Variants in ZNF66 observed in about 807,000 individuals in gnomAD.
The protein encoded by ZNF66 is zinc finger protein 66.
Under a neutral mutation model 35.2 loss-of-function variants are expected in ZNF66, and 32 were observed. That is an observed-to-expected ratio of 0.91 (90% confidence interval 0.69 to 1.22). ZNF66 has a LOEUF of 1.22. ZNF66 is among the 50% of genes most tolerant of loss of function. The pLI is 0.00. For missense variants in ZNF66, 666 were observed against 543.1 expected (o/e 1.23, Z -2.25); for synonymous variants, 231 against 181.3 (o/e 1.27, Z -2.20).
chr19:20,788,086 A>G (rs1377503300), intron 1 of ZNF66, among the ~76,000 whole-genome samples: 1 of 152,186 alleles, frequency 6.6e-6, no homozygotes, highest in Non-Finnish European at 1.5e-5. Context: ...ATCCCCTCAT[A>G]CAAGAGGTAT....
At chr19:20,801,350 T>C (rs1231660834) in intron 3 of ZNF66, among the ~76,000 whole-genome samples, 3 of 152,032 alleles carry the variant, frequency 2.0e-5, no homozygotes, top group Non-Finnish European at 1.5e-5. Flanking sequence ...TTTTATTTTA[T>C]TTTATTTTTT....
chr19:20,795,645 G>T (rs1167004084), intron 3 of ZNF66, among the ~76,000 whole-genome samples: 1 of 152,134 alleles, frequency 6.6e-6, no homozygotes, highest in Non-Finnish European at 1.5e-5. Context: ...GGAATTACAG[G>T]TGTGAGGCAC....
intron 1 of ZNF66, among the ~76,000 whole-genome samples, chr19:20,778,243 G>T (rs1971213640): frequency 6.6e-6 from 1 of 152,070 alleles, no homozygotes; most frequent in Non-Finnish European, 1.5e-5. Flanking sequence ...GGGATTACAG[G>T]TGTGTGTCAC....
intron 3 of ZNF66, among the ~76,000 whole-genome samples, chr19:20,797,584 G>A (rs1296608127): frequency 1.3e-5 from 2 of 150,086 alleles, no homozygotes; most frequent in Non-Finnish European, 3.0e-5. Context: ...TTTTTTTTGG[G>A]ATGGAGTCTT....
Position 20,806,494 on chromosome 19 carries a change from T to C in ZNF66, c.894T>C (p.Ser298=), listed in dbSNP as rs1971511777. Reference sequence around the variant, plus strand: ...GTGGCAAAGTTTTTAAGTACCTTTCTTCCCTTTCTACACATAAGATAATTC... The same window carrying C: ...GTGGCAAAGTTTTTAAGTACCTTTCCTCCCTTTCTACACATAAGATAATTC... ...EECGKVFKYL[S]SLSTHKIIHT... is the part of the protein sequence containing the mutation. Residue 298 remains serine (S), a synonymous_variant, in exon 4 of 4, where the codon TCT becomes TCC. Coordinates refer to ENST00000344519, the MANE Select transcript of ZNF66 (RefSeq NM_001355197.2). 1 of 1,520,768 alleles carries C rather than the reference T, an allele frequency of 6.6e-7. No individual in the cohort carries two copies. The highest frequency in any genetic ancestry group is 9.1e-7 in the Non-Finnish European group (1 of 1,096,756). The allele number at this position is 1,520,768 out of a possible 1,614,324, so 94.2% of individuals were successfully genotyped here.
At chr19:20,804,998 G>C (rs760982418) in intron 3 of ZNF66, among the ~76,000 whole-genome samples, 39 of 152,110 alleles carry the variant, frequency 2.6e-4, no homozygotes, top group Non-Finnish European at 3.7e-4. Flanking sequence ...TTTATGTCAT[G>C]GGAGACATTT....
intron 3 of ZNF66, among the ~76,000 whole-genome samples, chr19:20,805,148 A>AGG (rs1162329655): frequency 6.6e-6 from 1 of 151,610 alleles, no homozygotes; most frequent in Non-Finnish European, 1.5e-5. Flanking sequence ...AGAGAGAGAG[A>AGG]GAGTCTCGCC....
chr19:20,781,101 C>T, intron 1 of ZNF66, among the ~76,000 whole-genome samples: 1 of 152,194 alleles, frequency 6.6e-6, no homozygotes. Flanking sequence ...CATTTTGGAT[C>T]AGCTGTTCAT....
rs759822658 is a variant in ZNF66, at chr19:20,808,848, ATGACTT to A, written c.*1530_*1535del. Reference sequence around the variant, plus strand: ...GCAACAGAACAAAGCTGGATGGAGAATGACTTTGATGAGTTGAGAGAAGAAGGCTTC... The same window carrying A: ...GCAACAGAACAAAGCTGGATGGAGAATGATGAGTTGAGAGAAGAAGGCTTC... On this transcript the variant is annotated 3_prime_UTR_variant, in exon 4 of 4. Transcript: ENST00000344519. Among the ~76,000 whole-genome samples, 28 of 152,342 alleles carry A rather than the reference ATGACTT, an allele frequency of 1.8e-4. No homozygotes were observed. Among genetic ancestry groups the A allele is most frequent in the Non-Finnish European group, 3.2e-4 (22 of 68,036 alleles).
At position 20,805,873 on chromosome 19, in the gene ZNF66, A is replaced by G; in HGVS notation, c.273A>G (p.Ile91Met). The G allele has an allele frequency of 4.6e-6, 3 of 651,378 alleles. No individual in the cohort carries two copies. Among genetic ancestry groups the G allele is most frequent in the Non-Finnish European group, 8.3e-6 (3 of 359,368 alleles). 40.3% of individuals were successfully genotyped at this position (651,378 alleles called of 1,614,324 possible). A position where few individuals can be genotyped will look rare whatever the true frequency, so the allele number is the denominator to read the frequency against. Residue 91 changes from isoleucine (I) to methionine (M), a missense_variant, in exon 4 of 4, where the codon ATA becomes ATG. Transcript: ENST00000344519. ...FNQDLWPEQS[I>M]KDSFQKLILR... ...AAGACCTTTGGCCAGAGCAGAGCAT[A>G]AAAGATTCTTTCCAAAAACTGATAC...
chr19:20,785,642 GTTTAAT>G (rs1209870812), intron 1 of ZNF66, among the ~76,000 whole-genome samples: 1 of 152,066 alleles, frequency 6.6e-6, no homozygotes, highest in African/African-American at 2.4e-5. Context: ...TCACTTTCAA[GTTTAAT>G]TTTATAAGAA....
Position 20,809,296 on chromosome 19 carries a change from C to T in ZNF66, c.*1974C>T, listed in dbSNP as rs1971562984. Among the ~76,000 whole-genome samples the T allele has an allele frequency of 6.6e-6, 1 of 152,186 alleles. No homozygotes were observed. The highest frequency in any genetic ancestry group is 1.5e-5 in the Non-Finnish European group (1 of 68,004). On this transcript the variant is annotated 3_prime_UTR_variant, in exon 4 of 4. Transcript: ENST00000344519. ...GGAGAACTTCCCCAATCTAGCAAGG[C>T]AGGCCAACATTCAGATTCAGGAAAT...
At chr19:20,805,246 G>A (rs775386508) in intron 3 of ZNF66, among the ~76,000 whole-genome samples, 1 of 152,094 alleles carries the variant, frequency 6.6e-6, no homozygotes, top group African/African-American at 2.4e-5. Context: ...CCAGGCTGGA[G>A]TGCAGTGGTA....
rs10407695 is a variant in ZNF66 at position 20,809,229 on chromosome 19, G to A, written c.*1907G>A. Among the ~76,000 whole-genome samples, 14,139 of 152,148 alleles carry A rather than the reference G, an allele frequency of 0.093. 667 individuals are homozygous for A. The highest frequency in any genetic ancestry group is 0.11 in the Middle Eastern group (33 of 294). ...TTGGTGTACCTGAAAGTGAGGGGGA[G>A]AATGGAACCAACTTGGAAAACACTC... is the stretch of plus-strand genomic sequence containing the variant. On this transcript the variant is annotated 3_prime_UTR_variant, in exon 4 of 4. Transcript: ENST00000344519.
rs1230501313 is a variant in ZNF66, at chr19:20,809,714, C to T, written c.*2392C>T. On this transcript the variant is annotated 3_prime_UTR_variant, in exon 4 of 4. Coordinates refer to ENST00000344519, the MANE Select transcript of ZNF66 (RefSeq NM_001355197.2). ...ATGGAAAGGAACAACTGATACCAGC[C>T]GCTGCAAAATCATGCCAAAATGTAA... 9.2e-5 allele frequency among the ~76,000 whole-genome samples: 14 copies of T among 152,048 alleles called. No homozygotes were observed. The highest frequency in any genetic ancestry group is 2.1e-4 in the South Asian group (1 of 4,792).
Position 20,809,469 on chromosome 19 carries a change from C to T in ZNF66, c.*2147C>T, listed in dbSNP as rs947931520. Among the ~76,000 whole-genome samples the T allele has an allele frequency of 6.6e-6, 1 of 152,162 alleles. No individual in the cohort carries two copies. Among genetic ancestry groups the T allele is most frequent in the African/African-American group, 2.4e-5 (1 of 41,438 alleles). ...CCCACAAAGGGAAGCCCATCAGACT[C>T]ACAGCTGACCTCTTGGCAGAAACTC... On this transcript the variant is annotated 3_prime_UTR_variant, in exon 4 of 4. Transcript: ENST00000344519.
chr19:20,778,119 T>G (rs1054404403), intron 1 of ZNF66, among the ~76,000 whole-genome samples: 22 of 152,196 alleles, frequency 1.4e-4, no homozygotes, highest in African/African-American at 5.3e-4. Flanking sequence ...CTTATTTTTT[T>G]GAAACAGAGT....
Position 20,809,685 on chromosome 19 carries a change from A to G in ZNF66, c.*2363A>G, listed in dbSNP as rs1406326433. On this transcript the variant is annotated 3_prime_UTR_variant, in exon 4 of 4. Coordinates refer to ENST00000344519, the MANE Select transcript of ZNF66 (RefSeq NM_001355197.2). ...TAAAAGAGCTCCTGAAGGAAGCACT[A>G]AACATGGAAAGGAACAACTGATACC... Among the ~76,000 whole-genome samples the G allele has an allele frequency of 6.6e-6, 1 of 152,162 alleles. No homozygotes were observed. Among genetic ancestry groups the G allele is most frequent in the Non-Finnish European group, 1.5e-5 (1 of 68,042 alleles).
At chr19:20,800,123 C>T (rs1389800293) in intron 3 of ZNF66, among the ~76,000 whole-genome samples, 1 of 152,056 alleles carries the variant, frequency 6.6e-6, no homozygotes, top group Non-Finnish European at 1.5e-5. Flanking sequence ...CTCAAGTGAT[C>T]CTTTCACCTC....
Sources: allele counts gnomAD v4.1 joint callset (sites outside exome capture counted in the v4.1 genomes callset), GRCh38; gene constraint gnomAD v4.1.1; transcripts MANE v1.5; gene names NCBI Gene and HGNC (gene_info 2026-07-23, HGNC 2026-07-21).